The following ACOXL variants were observed in gnomAD, a reference collection of about 807,000 sequenced individuals.
ACOXL encodes acyl-CoA oxidase like, also known as acyl-coenzyme A oxidase-like protein.
In ACOXL, 70 loss-of-function variants were observed where a neutral mutation model predicts 71.9. That is an observed-to-expected ratio of 0.97 (90% CI 0.80 to 1.19). ACOXL has a LOEUF of 1.19. Ranked by LOEUF, ACOXL falls within the 50% of genes most tolerant of loss-of-function variation. The pLI is 0.00. For synonymous variants in ACOXL, 253 were observed against 281.6 expected, an observed-to-expected ratio of 0.90 and a Z score of 1.02; for missense variants, 703 against 736.3, an observed-to-expected ratio of 0.95 and a Z score of 0.52.
At chr2:110,764,443 T>C (rs868114002) in intron 1 of ACOXL, among the ~76,000 whole-genome samples, 1 of 152,154 alleles carries the variant, frequency 6.6e-6, no homozygotes, top group Non-Finnish European at 1.5e-5. Context: ...ATTTCAACTG[T>C]GTGACATCCT....
At chr2:110,869,084 T>C (rs1694957651) in intron 10 of ACOXL, among the ~76,000 whole-genome samples, 1 of 152,208 alleles carries the variant, frequency 6.6e-6, no homozygotes, top group African/African-American at 2.4e-5. Flanking sequence ...GTCACAATTC[T>C]GGGAGTAGGT....
intron 15 of ACOXL, among the ~76,000 whole-genome samples, chr2:111,037,891 G>C (rs984606695): frequency 6.6e-6 from 1 of 152,218 alleles, no homozygotes; most frequent in African/African-American, 2.4e-5. Context: ...TTGAGTTTTT[G>C]AAAGTCTTTC....
At chr2:111,005,403 TG>T (rs1174809561) in intron 14 of ACOXL, among the ~76,000 whole-genome samples, 4 of 152,184 alleles carry the variant, frequency 2.6e-5, no homozygotes, top group African/African-American at 9.7e-5. Flanking sequence ...GGAGAATTGG[TG>T]GAGGCTGGAA....
Position 110,768,727 on chromosome 2 carries a change from C to T in ACOXL, c.75+263C>T, listed in dbSNP as rs144151560. Among the ~76,000 whole-genome samples, 743 of 152,130 alleles carry T rather than the reference C, an allele frequency of 4.9e-3. 3 individuals are homozygous for T. The highest frequency in any genetic ancestry group is 0.017 in the African/African-American group (687 of 41,480). On this transcript the variant is annotated intron_variant, in intron 2 of 17. Transcript: ENST00000439055. ...CACCCTCCTCTCTCAAGTAGGCCGC[C>T]GCGCCTATTGATTTCTTCTTTGTGT...
intron 10 of ACOXL, among the ~76,000 whole-genome samples, chr2:110,867,539 C>T (rs1694757733): frequency 6.6e-6 from 1 of 151,982 alleles, no homozygotes; most frequent in Non-Finnish European, 1.5e-5. Context: ...AAAGTATGTG[C>T]CCATTTATTT....
At chr2:111,080,598 G>A (rs1027072562) in intron 16 of ACOXL, among the ~76,000 whole-genome samples, 1 of 152,076 alleles carries the variant, frequency 6.6e-6, no homozygotes. Context: ...AGGTACAAAG[G>A]GGAGCTGGTA....
chr2:110,903,589 A>G (rs1490300167), intron 10 of ACOXL, among the ~76,000 whole-genome samples: 2 of 152,226 alleles, frequency 1.3e-5, no homozygotes, highest in Non-Finnish European at 2.9e-5. Context: ...ATTTACAGAG[A>G]GAAATATAGC....
chr2:111,036,276 G>A (rs1034126317), intron 15 of ACOXL, among the ~76,000 whole-genome samples: 4 of 152,190 alleles, frequency 2.6e-5, no homozygotes, highest in Non-Finnish European at 5.9e-5. Flanking sequence ...CCATCTGCTG[G>A]TGTGTCTAAC....
chr2:111,049,181 G>A (rs1466554639), intron 15 of ACOXL, 37 bp from the exon 16 acceptor site: 2 of 1,511,816 alleles, frequency 1.3e-6, no homozygotes, highest in African/African-American at 2.7e-5. Flanking sequence ...TGAGGCGGAA[G>A]TGAAGTCATT....
At chr2:111,069,145 C>CTTTTTTTTTTTTT (rs1234410019) in intron 16 of ACOXL, among the ~76,000 whole-genome samples, 4 of 135,324 alleles carry the variant, frequency 3.0e-5, no homozygotes, top group Admixed American at 7.5e-5. Context: ...TCTTCTTTTT[C>CTTTTTTTTTTTTT]TTTTTTTTTT....
chr2:110,937,948 G>T (rs2060727414), intron 12 of ACOXL, among the ~76,000 whole-genome samples: 1 of 152,216 alleles, frequency 6.6e-6, no homozygotes, highest in Admixed American at 6.5e-5. Flanking sequence ...GGAAGTAGGA[G>T]TTGATGTTTC....
At chr2:110,775,183 A>T (rs570559112) in intron 2 of ACOXL, among the ~76,000 whole-genome samples, 1 of 152,344 alleles carries the variant, frequency 6.6e-6, no homozygotes, top group East Asian at 1.9e-4. Context: ...TGGATTAAAG[A>T]CCTAAATGTA....
intron 16 of ACOXL, among the ~76,000 whole-genome samples, chr2:111,058,294 C>T (rs4849360): frequency 0.89 from 135,044 of 152,216 alleles, 60,171 homozygotes; most frequent in African/African-American, 0.97. Flanking sequence ...GCCAAGAGCA[C>T]GGAGAAATTC....
At chr2:111,023,181 C>T (rs960769897) in intron 14 of ACOXL, among the ~76,000 whole-genome samples, 1 of 152,148 alleles carries the variant, frequency 6.6e-6, no homozygotes, top group Non-Finnish European at 1.5e-5. Flanking sequence ...TTGATCAGGA[C>T]TGGACTCTTT....
At chr2:110,763,389 T>C (rs1271695580) in intron 1 of ACOXL, among the ~76,000 whole-genome samples, 1 of 152,158 alleles carries the variant, frequency 6.6e-6, no homozygotes, top group African/African-American at 2.4e-5. Flanking sequence ...CACATAAATA[T>C]AGTCAACTGA....
chr2:110,897,806 T>A (rs1326337437), intron 10 of ACOXL, among the ~76,000 whole-genome samples: 1 of 151,834 alleles, frequency 6.6e-6, no homozygotes, highest in Non-Finnish European at 1.5e-5. Context: ...AACAAAGAAA[T>A]GGTCCTTTGA....
chr2:110,981,816 A>G (rs189651629), intron 12 of ACOXL, among the ~76,000 whole-genome samples: 8 of 152,296 alleles, frequency 5.3e-5, no homozygotes, highest in Admixed American at 2.0e-4. Context: ...CTCTATCTGC[A>G]CTGGAAGACC....
intron 14 of ACOXL, among the ~76,000 whole-genome samples, chr2:111,017,075 C>G (rs556879828): frequency 6.6e-6 from 1 of 152,344 alleles, no homozygotes; most frequent in South Asian, 2.1e-4. Context: ...TTACCCTACA[C>G]CAATTGCTAG....
chr2:110,798,948 CT>C, intron 6 of ACOXL, 65 bp from the exon 7 acceptor site: 1 of 1,499,382 alleles, frequency 6.7e-7, no homozygotes, highest in Non-Finnish European at 9.3e-7. Context: ...AAATGTTATA[CT>C]ATTCCAGGAC....
Sources: gnomAD v4.1 joint callset for allele counts (sites outside exome capture counted in the v4.1 genomes callset) on GRCh38, gnomAD v4.1.1 for gene constraint, MANE v1.5 for transcripts, NCBI Gene and HGNC (gene_info 2026-07-23, HGNC 2026-07-21) for gene names.